Variants in ZNF718 observed in about 807,000 individuals in gnomAD.
The protein encoded by ZNF718 is zinc finger protein 718.
Under a neutral mutation model 2.6 loss-of-function variants are expected in ZNF718, and 3 were observed. The observed-to-expected ratio is 1.16, with a 90% CI of 0.53 to 3.01. The LOEUF is 3.01. ZNF718 is among the 30% of genes most tolerant of loss of function. The pLI, the probability that ZNF718 is intolerant of heterozygous loss-of-function variation, is 0.03. For synonymous variants in ZNF718, 135 were observed against 77.9 expected, an observed-to-expected ratio of 1.73 and a Z score of -3.86; for missense variants, 468 against 230.0, an observed-to-expected ratio of 2.03 and a Z score of -6.69.
At chr4:144,635 A>G (rs1466333930) in intron 3 of ZNF718, among the ~76,000 whole-genome samples, 11 of 152,178 alleles carry the variant, frequency 7.2e-5, no homozygotes, top group African/African-American at 2.7e-4. Flanking sequence ...CTTCCTATTC[A>G]TGAACATAAA....
chr4:166,446 A>G (rs1717089380), downstream of ZNF718, among the ~76,000 whole-genome samples: 1 of 152,170 alleles, frequency 6.6e-6, no homozygotes, highest in Non-Finnish European at 1.5e-5. Context: ...CAATGGTTGA[A>G]CTAGTTTACA....
At chr4:198,193 A>C (rs1717829792) in intron 3 of ZNF718, among the ~76,000 whole-genome samples, 1 of 151,918 alleles carries the variant, frequency 6.6e-6, no homozygotes, top group Admixed American at 6.6e-5. Flanking sequence ...CAGCAGAAAA[A>C]ACCCAGCAGC....
At chr4:170,591 A>ATTTAT (rs1337757892) in intron 3 of ZNF718, among the ~76,000 whole-genome samples, 1 of 151,626 alleles carries the variant, frequency 6.6e-6, no homozygotes, top group Non-Finnish European at 1.5e-5. Context: ...ACTTCATTTC[A>ATTTAT]TTTATTTCAT....
At chr4:196,900 C>G (rs1717802894) in intron 3 of ZNF718, among the ~76,000 whole-genome samples, 1 of 151,640 alleles carries the variant, frequency 6.6e-6, no homozygotes, top group Non-Finnish European at 1.5e-5. Context: ...GACAGAATAG[C>G]AAGTGAAAGT....
In ZNF718 at chr4:160,940, T is replaced by C. The variant is rs200257636; in HGVS notation, c.255T>C (p.Leu85=). The change falls in exon 4 of 4, where the codon CTT becomes CTC. Residue 85 remains leucine (L), a synonymous_variant. Coordinates refer to ENST00000510175, the MANE Select transcript of ZNF718 (RefSeq NM_001039127.6). ...PAVCSHFTQN[L]WTVQGIEDSF... ...TGTGTTCTCATTTCACCCAAAACCT[T>C]TGGACAGTGCAGGGCATAGAAGATT... 2 of 773,500 alleles carry C rather than the reference T, an allele frequency of 2.6e-6. No homozygotes were observed. Among genetic ancestry groups the C allele is most frequent in the South Asian group, 1.4e-5 (1 of 73,418 alleles). 47.9% of individuals were successfully genotyped at this position (773,500 alleles called of 1,614,324 possible).
At chr4:165,599 G>A (rs1200736915), downstream of ZNF718, among the ~76,000 whole-genome samples, 1 of 152,168 alleles carries the variant, frequency 6.6e-6, no homozygotes, top group African/African-American at 2.4e-5. Flanking sequence ...AGGAGTTCGA[G>A]GCCAGCCTGG....
chr4:184,236 A>G (rs1032082449), intron 3 of ZNF718, among the ~76,000 whole-genome samples: 4 of 152,120 alleles, frequency 2.6e-5, no homozygotes, highest in African/African-American at 9.7e-5. Context: ...AATTTTATCA[A>G]AGGCCTCTTC....
At chr4:124,840 T>G in intron 1 of ZNF718, 167 bp downstream of exon 1, 1 of 835,738 alleles carries the variant, frequency 1.2e-6, no homozygotes, top group Non-Finnish European at 1.8e-6. Context: ...ACAGCGGCTC[T>G]GGCCCAGCCT....
intron 3 of ZNF718, among the ~76,000 whole-genome samples, chr4:133,195 A>AAAAAAAAAATATATATAT (rs1258303094): frequency 4.8e-5 from 1 of 20,774 alleles, no homozygotes; most frequent in Admixed American, 7.4e-4. Context: ...AAAAAAAAAA[A>AAAAAAAAAATATATATAT]ATATATATAT....
Position 155,853 on chromosome 4 carries a change from C to G in ZNF718, c.227-5059C>G, listed in dbSNP as rs782440989. ...GATAGGGTTTGGCTGTGTCTTCAGC[C>G]AAATCTCATTTTGAATTATAGCTCC... is the stretch of plus-strand genomic sequence containing the variant. On this transcript the variant is annotated intron_variant, in intron 3 of 3. Coordinates refer to ENST00000510175, the MANE Select transcript of ZNF718 (RefSeq NM_001039127.6). Among the ~76,000 whole-genome samples the G allele has an allele frequency of 4.1e-4, 63 of 152,200 alleles. 1 individual carries two copies. Among genetic ancestry groups the G allele is most frequent in the Middle Eastern group, 6.8e-3 (2 of 294 alleles).
intron 3 of ZNF718, among the ~76,000 whole-genome samples, chr4:146,953 C>T (rs1716093811): frequency 1.3e-5 from 2 of 151,950 alleles, no homozygotes; most frequent in Admixed American, 1.3e-4. Context: ...ACTTTTGCAT[C>T]TTACTGAGTT....
At chr4:167,669 A>G (rs1553817153), downstream of ZNF718, among the ~76,000 whole-genome samples, 2 of 152,108 alleles carry the variant, frequency 1.3e-5, no homozygotes, top group East Asian at 1.9e-4. Context: ...ATTGGTGTAT[A>G]AGAACGCTTG....
At chr4:126,085 A>G (rs1056483056) in intron 1 of ZNF718, among the ~76,000 whole-genome samples, 2 of 152,074 alleles carry the variant, frequency 1.3e-5, no homozygotes, top group South Asian at 4.1e-4. Flanking sequence ...CCCCCACCCC[A>G]TGGCTCTTGA....
chr4:161,278 C>G lies in ZNF718; in HGVS notation c.593C>G (p.Pro198Arg), dbSNP rs782364130. ...QHKRIHTGEN[P>R]YTCEECGKAF... is the part of the protein sequence containing the mutation. ...AAAAGAATTCATACTGGAGAGAACC[C>G]CTACACATGTGAAGAATGTGGCAAA... The change falls in exon 4 of 4, where the codon CCC (proline) becomes CGC (arginine). Residue 198 changes from proline (P) to arginine (R), a missense_variant. Physicochemically the swap from Pro to Arg is moderately radical, Grantham distance 103. Coordinates refer to ENST00000510175, the MANE Select transcript of ZNF718 (RefSeq NM_001039127.6). 1.3e-6 allele frequency: 1 copy of G among 781,986 alleles called. No individual in the cohort carries two copies. The highest frequency in any genetic ancestry group is 2.4e-6 in the Non-Finnish European group (1 of 419,438). 48.4% of individuals were successfully genotyped at this position (781,986 alleles called of 1,614,324 possible).
At chr4:198,123 G>A (rs1717828418) in intron 3 of ZNF718, among the ~76,000 whole-genome samples, 1 of 152,144 alleles carries the variant, frequency 6.6e-6, no homozygotes, top group African/African-American at 2.4e-5. Flanking sequence ...CCATGACATA[G>A]CTGCAGAAGA....
intron 3 of ZNF718, among the ~76,000 whole-genome samples, chr4:136,586 T>A (rs952738037): frequency 1.3e-5 from 2 of 152,244 alleles, no homozygotes; most frequent in African/African-American, 2.4e-5. Flanking sequence ...CCCTACTTGA[T>A]CTTTGGCTCC....
At chr4:173,646 GGT>G in intron 3 of ZNF718, among the ~76,000 whole-genome samples, 1 of 152,258 alleles carries the variant, frequency 6.6e-6, no homozygotes, top group African/African-American at 2.4e-5. Context: ...ATGGGTCGCA[GGT>G]TTTTACCCTA....
At chr4:142,894 A>G (rs1553810496) in intron 3 of ZNF718, among the ~76,000 whole-genome samples, 2 of 152,024 alleles carry the variant, frequency 1.3e-5, no homozygotes, top group African/African-American at 4.8e-5. Context: ...AACCTTGAGT[A>G]AGGAGCATAC....
At chr4:130,562 A>G (rs1209432306) in intron 1 of ZNF718, among the ~76,000 whole-genome samples, 1 of 101,986 alleles carries the variant, frequency 9.8e-6, no homozygotes, top group Non-Finnish European at 2.2e-5. Flanking sequence ...CCTGGCCAAC[A>G]TCGTGAAACC....
Sources: allele counts gnomAD v4.1 joint callset (sites outside exome capture counted in the v4.1 genomes callset), GRCh38; gene constraint gnomAD v4.1.1; transcripts MANE v1.5; gene names NCBI Gene and HGNC (gene_info 2026-07-23, HGNC 2026-07-21).